The following SIL1 variants were observed in gnomAD, a reference collection of about 807,000 sequenced individuals.
The protein encoded by SIL1 is nucleotide exchange factor SIL1.
SIL1 carries 40 observed loss-of-function variants against 49.1 expected under a neutral mutation model. The observed-to-expected ratio is 0.81, with a 90% CI of 0.63 to 1.06. SIL1 has a LOEUF of 1.06. Ranked by LOEUF, SIL1 falls within the 50% of genes least tolerant of loss-of-function variation. The probability of loss-of-function intolerance (pLI) is 0.00; values close to 1 mark genes in which losing one functional copy is unlikely to be tolerated. For missense variants in SIL1, 500 were observed against 572.6 expected, an observed-to-expected ratio of 0.87 and a Z score of 1.29; for synonymous variants, 253 against 250.8, an observed-to-expected ratio of 1.01 and a Z score of -0.08.
intron 7 of SIL1, among the ~76,000 whole-genome samples, chr5:138,953,667 G>A (rs1334652217): frequency 6.9e-6 from 1 of 145,484 alleles, no homozygotes; most frequent in Admixed American, 6.8e-5. Flanking sequence ...AGGGGGGCCT[G>A]GGAGCTGAGC....
chr5:138,972,980 C>T (rs1430722947), intron 7 of SIL1, among the ~76,000 whole-genome samples: 2 of 152,072 alleles, frequency 1.3e-5, no homozygotes, highest in African/African-American at 4.8e-5. Flanking sequence ...GGTAGAGAAG[C>T]CCTTGTTCAG....
chr5:139,020,246 T>G (rs1443381595), intron 7 of SIL1, among the ~76,000 whole-genome samples: 3 of 152,342 alleles, frequency 2.0e-5, no homozygotes, highest in African/African-American at 7.2e-5. Flanking sequence ...AGCTCTGCCC[T>G]TCAACTTACT....
intron 1 of SIL1, among the ~76,000 whole-genome samples, chr5:139,161,549 A>C (rs1751514169): frequency 6.6e-6 from 1 of 152,156 alleles, no homozygotes; most frequent in African/African-American, 2.4e-5. Context: ...CTGTCGGCTA[A>C]CCCTGTTCTA....
intron 3 of SIL1, among the ~76,000 whole-genome samples, chr5:139,053,287 T>G (rs1401934812): frequency 6.6e-6 from 1 of 152,122 alleles, no homozygotes; most frequent in Non-Finnish European, 1.5e-5. Context: ...TGATACCCAA[T>G]CTACCTCCCA....
chr5:139,162,067 C>T (rs1409308097), intron 1 of SIL1, among the ~76,000 whole-genome samples: 1 of 151,992 alleles, frequency 6.6e-6, no homozygotes, highest in African/African-American at 2.4e-5. Context: ...CACACCAGCA[C>T]TGAGCAGTCC....
At chr5:138,975,091 A>G (rs1767367622) in intron 7 of SIL1, among the ~76,000 whole-genome samples, 1 of 152,216 alleles carries the variant, frequency 6.6e-6, no homozygotes, top group South Asian at 2.1e-4. Context: ...TGTAAAGGAT[A>G]AAAACACCCC....
Position 138,947,622 on chromosome 5 carries a change from A to AGTCT in SIL1, c.1030-153_1030-150dup. The AGTCT allele has an allele frequency of 1.5e-6, 1 of 686,570 alleles. No individual in the cohort carries two copies. The highest frequency in any genetic ancestry group is 2.6e-6 in the Non-Finnish European group (1 of 381,642). The allele number at this position is 686,570 out of a possible 1,614,324, so 42.5% of individuals were successfully genotyped here. On this transcript the variant is annotated intron_variant, in intron 9 of 9. Transcript: ENST00000394817. This position sits in a 1 kb window ranked among gnomAD's most constrained non-coding sequence, Gnocchi z 4.1. Reference sequence around the variant, plus strand: ...GGGCCCACCTCTTCCTCTATCCCCAAGTCTGTCTGTCTATTCATTCATTCA... The same window carrying AGTCT: ...GGGCCCACCTCTTCCTCTATCCCCAAGTCTGTCTGTCTGTCTATTCATTCATTCA...
intron 3 of SIL1, among the ~76,000 whole-genome samples, chr5:139,104,751 G>A (rs533402229): frequency 6.6e-6 from 1 of 152,302 alleles, no homozygotes; most frequent in African/African-American, 2.4e-5. Context: ...GTAGGCTGTG[G>A]TTAAGGATTA....
At chr5:139,119,540 T>G (rs1314105436) in intron 3 of SIL1, among the ~76,000 whole-genome samples, 1 of 152,140 alleles carries the variant, frequency 6.6e-6, no homozygotes, top group Non-Finnish European at 1.5e-5. Flanking sequence ...GCAGGTGGAT[T>G]GCTCGAGCCC....
chr5:139,100,118 C>A (rs1770555174), intron 3 of SIL1, among the ~76,000 whole-genome samples: 1 of 152,154 alleles, frequency 6.6e-6, no homozygotes, highest in Admixed American at 6.5e-5. Flanking sequence ...TTCTTCTCCC[C>A]TAGTCATTTA....
intron 3 of SIL1, among the ~76,000 whole-genome samples, chr5:139,054,701 A>C (rs915565142): frequency 2.0e-5 from 3 of 152,222 alleles, no homozygotes; most frequent in African/African-American, 7.2e-5. Context: ...ATAGTGTGCT[A>C]AGCTCGCCAA....
intron 7 of SIL1, among the ~76,000 whole-genome samples, chr5:138,969,801 A>C (rs1249723643): frequency 6.6e-6 from 1 of 152,276 alleles, no homozygotes; most frequent in Non-Finnish European, 1.5e-5. Context: ...ATATGGAACA[A>C]TGAATCTGCC....
intron 7 of SIL1, among the ~76,000 whole-genome samples, chr5:138,963,090 T>G (rs191766289): frequency 1.2e-4 from 18 of 152,264 alleles, no homozygotes; most frequent in Admixed American, 5.9e-4. Flanking sequence ...ACAGAGGATG[T>G]TATTTTAGGT....
rs545971651 is a variant in SIL1 at position 139,127,927 on chromosome 5, T to C, written c.-10-74A>G. The C allele has an allele frequency of 2.8e-4, 250 of 893,614 alleles. 1 individual carries two copies. Among genetic ancestry groups the C allele is most frequent in the Admixed American group, 7.8e-4 (39 of 49,842 alleles). The allele number at this position is 893,614 out of a possible 1,614,324, so 55.4% of individuals were successfully genotyped here. On this transcript the variant is annotated intron_variant, in intron 1 of 9. Coordinates refer to ENST00000394817, the MANE Select transcript of SIL1 (RefSeq NM_022464.5). ...TGGTTCCCCCGCACTGTGATTCCCA[T>C]GTCGTCACTTGCTCACATGTCAGAC...
intron 1 of SIL1, among the ~76,000 whole-genome samples, chr5:139,191,117 A>G (rs1581161958): frequency 6.6e-6 from 1 of 150,630 alleles, no homozygotes; most frequent in Non-Finnish European, 1.5e-5. Flanking sequence ...CTGTAATCCC[A>G]GCTGCTTAGG....
intron 7 of SIL1, among the ~76,000 whole-genome samples, chr5:138,984,044 G>T (rs1373172984): frequency 6.6e-6 from 1 of 152,178 alleles, no homozygotes; most frequent in Non-Finnish European, 1.5e-5. Flanking sequence ...TGGTGCAGAG[G>T]ATAGGTTCCA....
rs773577378 is a variant in SIL1 at position 138,947,396 on chromosome 5, G to A, written c.1107C>T (p.Leu369=). The A allele has an allele frequency of 2.9e-5, 46 of 1,613,692 alleles. No homozygotes were observed. The highest frequency in any genetic ancestry group is 3.9e-5 in the Non-Finnish European group (46 of 1,180,032). Residue 369 remains leucine (L), a synonymous_variant, in exon 10 of 10, where the codon CTC becomes CTT. Coordinates refer to ENST00000394817, the MANE Select transcript of SIL1 (RefSeq NM_022464.5). The surrounding 1 kb of genome is among the most constrained non-coding windows in gnomAD (Gnocchi z 4.1). ...EKLQQYRQVH[L]LPGLWEQGWC... is the part of the protein sequence containing the mutation. ...AGCCCTGTTCCCACAGGCCTGGCAG[G>A]AGGTGTACCTGGCGATACTGCTGCA...
intron 6 of SIL1, chr5:139,022,732 A>G (rs1386110282): frequency 6.6e-6 from 1 of 152,246 alleles, no homozygotes; most frequent in Non-Finnish European, 1.5e-5. Flanking sequence ...GCCCCAGGCC[A>G]TGGACATTTT....
At chr5:139,124,823 C>T (rs138805440) in intron 2 of SIL1, among the ~76,000 whole-genome samples, 2 of 152,334 alleles carry the variant, frequency 1.3e-5, no homozygotes, top group Non-Finnish European at 2.9e-5. Context: ...CTGTGAAGCA[C>T]ATCATATTAG....
Sources: gnomAD v4.1 joint callset for allele counts (sites outside exome capture counted in the v4.1 genomes callset) on GRCh38, gnomAD v4.1.1 for gene constraint, Gnocchi (gnomAD v3.1) non-coding constraint, MANE v1.5 for transcripts, NCBI Gene and HGNC (gene_info 2026-07-23, HGNC 2026-07-21) for gene names.